The following PRDM2 variants were observed in gnomAD, a reference collection of about 807,000 sequenced individuals.
PRDM2 encodes PR/SET domain 2, also known as PR domain zinc finger protein 2.
A neutral mutation model predicts 130.0 loss-of-function variants in PRDM2; 30 were observed. That is an observed-to-expected ratio of 0.23 (90% CI 0.17 to 0.31). The LOEUF (loss-of-function observed/expected upper bound fraction) is 0.31. PRDM2 is among the 10% of genes least tolerant of loss of function. The pLI is 1.00. For synonymous variants in PRDM2, 871 were observed against 782.4 expected, an observed-to-expected ratio of 1.11 and a Z score of -1.89; for missense variants, 2,011 against 2,108.4, an observed-to-expected ratio of 0.95 and a Z score of 0.90.
In PRDM2 at chr1:13,779,640, C is replaced by T. The variant is rs147148332; in HGVS notation, c.1845C>T (p.Thr615=). Residue 615 remains threonine (T), a synonymous_variant, in exon 8 of 10, where the codon ACC becomes ACT. Coordinates refer to ENST00000311066, the MANE Select transcript of PRDM2 (RefSeq NM_001393986.1). This position sits in a 1 kb window ranked among gnomAD's most constrained non-coding sequence, Gnocchi z 4.9. ...VTVEITQNIK[T]TQVPVTEDLP... ...TGGAAATTACTCAAAATATAAAGACCACACAGGTCCCTGTAACAGAAGATC... is the reference window on the plus strand; with the variant it reads ...TGGAAATTACTCAAAATATAAAGACTACACAGGTCCCTGTAACAGAAGATC... 6.2e-7 allele frequency: 1 copy of T among 1,613,848 alleles called. No homozygotes were observed. Among genetic ancestry groups the T allele is most frequent in the African/African-American group, 1.3e-5 (1 of 74,886 alleles).
rs530948350 is a variant in PRDM2 at position 13,712,974 on chromosome 1, C to A, written c.-65-2567C>A. ...AACATCCTGGCTCCCTCTCTGCTTC[C>A]CCAGGCTGCAGCCTTGTGAGGCTTC... On this transcript the variant is annotated intron_variant, in intron 1 of 9. Coordinates refer to ENST00000311066, the MANE Select transcript of PRDM2 (RefSeq NM_001393986.1). Among the ~76,000 whole-genome samples the A allele has an allele frequency of 2.0e-5, 3 of 152,276 alleles. No individual in the cohort carries two copies. The East Asian group carries it at 5.8e-4, about 29-fold the overall frequency.
chr1:13,783,561 T>G (rs1292538307), intron 8 of PRDM2, among the ~76,000 whole-genome samples: 1 of 152,274 alleles, frequency 6.6e-6, no homozygotes, highest in Non-Finnish European at 1.5e-5. Flanking sequence ...TCCCCAGTAA[T>G]GATAGAAGGA....
chr1:13,795,981 T>C (rs1007419890), intron 8 of PRDM2, among the ~76,000 whole-genome samples: 1 of 152,198 alleles, frequency 6.6e-6, no homozygotes, highest in Non-Finnish European at 1.5e-5. Flanking sequence ...AAGTGACCCA[T>C]GTCTGCCTTG....
intron 7 of PRDM2, chr1:13,773,575 A>G (rs1644403914): frequency 6.5e-6 from 1 of 153,152 alleles, no homozygotes; most frequent in Non-Finnish European, 1.5e-5. Context: ...ATTCACTAAG[A>G]TGATGGCATG....
chr1:13,770,833 ACT>A (rs1421511777), intron 6 of PRDM2, among the ~76,000 whole-genome samples: 1 of 152,052 alleles, frequency 6.6e-6, no homozygotes, highest in Non-Finnish European at 1.5e-5. Context: ...TACACCAGGA[ACT>A]CTCTCTTCAC....
rs775302694 is a variant in PRDM2 at position 13,786,527 on chromosome 1, GA to G, written c.5036+3700del. On this transcript the variant is annotated intron_variant, in intron 8 of 9. Coordinates refer to ENST00000311066, the MANE Select transcript of PRDM2 (RefSeq NM_001393986.1). The stretch of plus-strand genomic sequence containing the variant: ...TCTTATTTTCTAGGAACTTCCTGTA[GA>G]AAAGCCCCCAAAACAAAACAAACCT... 2.5e-6 allele frequency: 4 copies of G among 1,610,332 alleles called. No homozygotes were observed. In the South Asian group the frequency reaches 4.4e-5, roughly 18 times the overall value.
chr1:13,736,077 T>C (rs1424679251), intron 4 of PRDM2, among the ~76,000 whole-genome samples: 1 of 152,010 alleles, frequency 6.6e-6, no homozygotes, highest in Non-Finnish European at 1.5e-5. Context: ...GACATATCTA[T>C]GTCTACTACT....
rs1643465101 is a variant in PRDM2, at chr1:13,742,171, A to C, written c.384+14A>C. Reference sequence around the variant, plus strand: ...AAAACTTTAAAGGTAACAGCATTAGAATTAATTTACTGTTAGTTACGCTGC... The same window carrying C: ...AAAACTTTAAAGGTAACAGCATTAGCATTAATTTACTGTTAGTTACGCTGC... On this transcript the variant is annotated intron_variant, in intron 5 of 9. Coordinates refer to ENST00000311066, the MANE Select transcript of PRDM2 (RefSeq NM_001393986.1). The C allele has an allele frequency of 6.2e-7, 1 of 1,607,744 alleles. No individual in the cohort carries two copies. The highest frequency in any genetic ancestry group is 8.5e-7 in the Non-Finnish European group (1 of 1,174,740).
At chr1:13,705,064 T>C (rs116491253) in intron 1 of PRDM2, 7 of 152,310 alleles carry the variant, frequency 4.6e-5, no homozygotes, top group African/African-American at 1.4e-4. Flanking sequence ...GAGGTAAATA[T>C]ATGAATGCAC....
intron 2 of PRDM2, among the ~76,000 whole-genome samples, chr1:13,724,013 G>C (rs1308601170): frequency 1.3e-5 from 2 of 152,338 alleles, no homozygotes; most frequent in East Asian, 3.9e-4. Flanking sequence ...GTTGTGGAGA[G>C]TGTTGTAACA....
At position 13,781,642 on chromosome 1, in the gene PRDM2, A is replaced by G. The variant is rs766062915; in HGVS notation, c.3847A>G (p.Lys1283Glu). The change falls in exon 8 of 10, where the codon AAA (lysine) becomes GAA (glutamate). Residue 1283 changes from lysine (K) to glutamate (E), a missense_variant. Lys to Glu is a moderately conservative substitution (Grantham distance 56). Around this residue, in one of 5 missense-constraint regions of PRDM2, gnomAD observed 229 missense variants for 364.1 expected, o/e 0.63. Transcript: ENST00000311066. The surrounding 1 kb of genome is among the most constrained non-coding windows in gnomAD (Gnocchi z 6.1). ...IKIMASGIKT[K>E]DPDVRLGLNQ... ...AATAATGGCTTCTGGAATAAAGACA[A>G]AAGATCCAGATGTTCGATTGGGCCT... The G allele has an allele frequency of 6.2e-7, 1 of 1,613,930 alleles. No individual in the cohort carries two copies. Among genetic ancestry groups the G allele is most frequent in the Middle Eastern group, 1.6e-4 (1 of 6,062 alleles).
Position 13,725,243 on chromosome 1 carries a change from C to T in PRDM2, c.10-5757C>T, listed in dbSNP as rs558860905. ...TTTTTGAGAAGGAGTCTTGCTCTAT[C>T]CCCCGGGCTGGAGTGCAGTGGCATA... On this transcript the variant is annotated intron_variant, in intron 2 of 9. Coordinates refer to ENST00000311066, the MANE Select transcript of PRDM2 (RefSeq NM_001393986.1). Among the ~76,000 whole-genome samples the T allele has an allele frequency of 1.1e-3, 173 of 152,190 alleles. 3 individuals carry two copies. The South Asian group carries it at 0.035, about 31-fold the overall frequency.
At chr1:13,700,380 G>T in intron 1 of PRDM2, 80 bp downstream of exon 1, 1 of 149,148 alleles carries the variant, frequency 6.7e-6, no homozygotes, top group Non-Finnish European at 1.5e-5. Context: ...CGGCGGCGAC[G>T]GCGGCGGCGA....
intron 5 of PRDM2, 143 bp from the exon 6 acceptor site, chr1:13,749,218 C>T (rs1272076179): frequency 1.5e-5 from 12 of 774,710 alleles, no homozygotes; most frequent in Admixed American, 1.2e-4. Context: ...GCCGGGAGCC[C>T]TTCCTGCCGG....
chr1:13,816,390 T>C (rs1341896032), intron 8 of PRDM2, 37 bp from the exon 9 acceptor site: 6 of 1,612,206 alleles, frequency 3.7e-6, no homozygotes, highest in Non-Finnish European at 4.2e-6. Flanking sequence ...CGGGCTGGGC[T>C]CCTGTGACAA....
At chr1:13,782,954 G>A in intron 8 of PRDM2, 123 bp downstream of exon 8, 6 of 1,553,274 alleles carry the variant, frequency 3.9e-6, no homozygotes, top group East Asian at 2.3e-5. Flanking sequence ...AATAGCTGTT[G>A]TATAAGTTAA....
intron 6 of PRDM2, among the ~76,000 whole-genome samples, 188 bp downstream of exon 6, chr1:13,749,675 G>A (rs893035536): frequency 1.3e-5 from 2 of 151,306 alleles, no homozygotes; most frequent in Non-Finnish European, 3.0e-5. Context: ...CTGCGGTCCC[G>A]CTCGGGCCCT....
intron 8 of PRDM2, among the ~76,000 whole-genome samples, chr1:13,796,423 C>T (rs970375733): frequency 8.5e-5 from 13 of 152,190 alleles, no homozygotes; most frequent in African/African-American, 2.7e-4. Flanking sequence ...GCATTAATTC[C>T]AGAACATGGA....
chr1:13,736,691 G>A (rs182186021), intron 4 of PRDM2, among the ~76,000 whole-genome samples: 1 of 151,678 alleles, frequency 6.6e-6, no homozygotes, highest in East Asian at 1.9e-4. Context: ...CTCTCCAGAA[G>A]GACTGTACTA....
Sources: gnomAD v4.1 joint callset for allele counts (sites outside exome capture counted in the v4.1 genomes callset) on GRCh38, gnomAD v4.1.1 for gene constraint, gnomAD v4.1.1 regional missense constraint, Gnocchi (gnomAD v3.1) non-coding constraint, MANE v1.5 for transcripts, NCBI Gene and HGNC (gene_info 2026-07-23, HGNC 2026-07-21) for gene names.